PRICKLE2: variants seen among roughly 807,000 people sequenced by gnomAD.
PRICKLE2 encodes prickle planar cell polarity protein 2, also known as prickle-like protein 2.
PRICKLE2 carries 21 observed loss-of-function variants against 81.4 expected under a neutral mutation model. The ratio of observed to expected loss-of-function variants is 0.26; its 90% CI spans 0.18 to 0.37. The LOEUF (loss-of-function observed/expected upper bound fraction) is 0.37, where lower values mean the gene tolerates loss of function less well. Among genes scored for constraint, PRICKLE2 ranks in the 10% least tolerant of loss-of-function variants. PRICKLE2 has a pLI of 1.00. For missense variants in PRICKLE2, 940 were observed against 1,109.0 expected (o/e 0.85, Z 2.16); for synonymous variants, 456 against 421.5 (o/e 1.08, Z -1.00).
At chr3:64,131,081 G>T (rs2077190229) in intron 7 of PRICKLE2, among the ~76,000 whole-genome samples, 1 of 152,226 alleles carries the variant, frequency 6.6e-6, no homozygotes, top group Admixed American at 6.5e-5. Flanking sequence ...TGTGGTAAAA[G>T]GCCTCAAACC....
At chr3:64,202,641 T>TGC (rs1338951288) in intron 1 of PRICKLE2, among the ~76,000 whole-genome samples, 2 of 95,974 alleles carry the variant, frequency 2.1e-5, no homozygotes, top group African/African-American at 7.6e-5. Context: ...TAGGTACTTG[T>TGC]GTGCGTGTGT....
At position 64,147,145 on chromosome 3, in the gene PRICKLE2, G is replaced by T; in HGVS notation, c.1345C>A (p.Pro449Thr). The T allele has an allele frequency of 6.2e-7, 1 of 1,614,172 alleles. No homozygotes were observed. Among genetic ancestry groups the T allele is most frequent in the Non-Finnish European group, 8.5e-7 (1 of 1,180,028 alleles). Residue 449 changes from proline to threonine, a missense_variant, in exon 7 of 8, where the codon CCC becomes ACC. Pro to Thr is a conservative substitution (Grantham distance 38). This residue lies in a region of PRICKLE2 where 670 missense variants were observed against 717.2 expected (regional missense o/e 0.93). Coordinates refer to ENST00000638394, the MANE Select transcript of PRICKLE2 (RefSeq NM_198859.4). This position sits in a 1 kb window ranked among gnomAD's most constrained non-coding sequence, Gnocchi z 5.0. ...PEMWGKHFSN[P>T]KRSSSLAMTG... The stretch of plus-strand genomic sequence containing the variant: ...ATGGCCAGTGACGAGCTCCTTTTGG[G>T]GTTGCTGAAGTGCTTGCCCCACATT...
intron 1 of PRICKLE2, among the ~76,000 whole-genome samples, chr3:64,218,639 T>G (rs975478995): frequency 6.6e-5 from 10 of 152,166 alleles, no homozygotes; most frequent in Admixed American, 3.9e-4. Flanking sequence ...CACGCAGTAA[T>G]CATTAAATAT....
chr3:64,234,227 C>G (rs183143103), intron 2 of PRICKLE2, among the ~76,000 whole-genome samples: 2 of 152,194 alleles, frequency 1.3e-5, no homozygotes, highest in Non-Finnish European at 2.9e-5. Flanking sequence ...TTTAACATTT[C>G]ATAGAACCAT....
intron 7 of PRICKLE2, among the ~76,000 whole-genome samples, chr3:64,123,329 T>C (rs569411034): frequency 1.7e-4 from 26 of 152,342 alleles, no homozygotes; most frequent in African/African-American, 5.8e-4. Context: ...AAGGTACAAG[T>C]TGAGTATCTC....
chr3:64,241,186 A>C (rs1174911430), intron 2 of PRICKLE2, among the ~76,000 whole-genome samples: 1 of 152,222 alleles, frequency 6.6e-6, no homozygotes, highest in East Asian at 1.9e-4. Context: ...AGGCACCTAC[A>C]AGTTGTAGTT....
At chr3:64,165,878 T>G (rs1473355191) in intron 2 of PRICKLE2, among the ~76,000 whole-genome samples, 1 of 151,816 alleles carries the variant, frequency 6.6e-6, no homozygotes, top group Non-Finnish European at 1.5e-5. Context: ...CTTATATTAG[T>G]CAAAGCAAGA....
At chr3:64,104,359 AG>A (rs2076720462) in intron 7 of PRICKLE2, 1 of 152,254 alleles carries the variant, frequency 6.6e-6, no homozygotes, top group Admixed American at 6.5e-5. Context: ...TAGAAACAAA[AG>A]GTGGACACAA....
intron 7 of PRICKLE2, among the ~76,000 whole-genome samples, chr3:64,117,252 T>C (rs576963026): frequency 6.6e-6 from 1 of 152,278 alleles, no homozygotes; most frequent in Non-Finnish European, 1.5e-5. Flanking sequence ...CCATACTGAA[T>C]GGGCAAAAGC....
chr3:64,135,145 A>C (rs1433775479), intron 7 of PRICKLE2, among the ~76,000 whole-genome samples: 1 of 152,224 alleles, frequency 6.6e-6, no homozygotes, highest in Non-Finnish European at 1.5e-5. Context: ...AATGACTCGA[A>C]GAAGCAAGAA....
chr3:64,150,002 A>G (rs777892771), intron 6 of PRICKLE2, among the ~76,000 whole-genome samples: 3 of 133,882 alleles, frequency 2.2e-5, no homozygotes, highest in Non-Finnish European at 4.6e-5. Context: ...AGACGGATCA[A>G]CTCCATCTCT....
At chr3:64,172,916 A>G (rs2077957341) in intron 2 of PRICKLE2, among the ~76,000 whole-genome samples, 1 of 152,170 alleles carries the variant, frequency 6.6e-6, no homozygotes, top group Non-Finnish European at 1.5e-5. Context: ...CCAGAAATCA[A>G]CCCTGCTGAC....
At chr3:64,135,153 G>C (rs1456064611) in intron 7 of PRICKLE2, among the ~76,000 whole-genome samples, 1 of 152,200 alleles carries the variant, frequency 6.6e-6, no homozygotes, top group Non-Finnish European at 1.5e-5. Context: ...GAAGAAGCAA[G>C]AATATGCAAG....
upstream of PRICKLE2, among the ~76,000 whole-genome samples, chr3:64,227,211 G>A (rs760053087): frequency 1.3e-4 from 20 of 152,190 alleles, no homozygotes; most frequent in Non-Finnish European, 2.4e-4. Context: ...ACAAGCAAAT[G>A]AATAACACTC....
chr3:64,158,887 G>A (rs1262906682), intron 4 of PRICKLE2, among the ~76,000 whole-genome samples: 1 of 152,128 alleles, frequency 6.6e-6, no homozygotes, highest in African/African-American at 2.4e-5. Flanking sequence ...TGCTTCCCTT[G>A]GGCAGCATCC....
upstream of PRICKLE2, among the ~76,000 whole-genome samples, chr3:64,226,508 ACAGCT>A (rs1477761474): frequency 6.6e-6 from 1 of 152,228 alleles, no homozygotes; most frequent in Non-Finnish European, 1.5e-5. Context: ...TATGCCATGC[ACAGCT>A]CTAAAGGCTA....
chr3:64,149,509 C>G, intron 6 of PRICKLE2, among the ~76,000 whole-genome samples: 1 of 152,222 alleles, frequency 6.6e-6, no homozygotes, highest in Admixed American at 6.5e-5. Context: ...GGAATATAGC[C>G]TCAAGCTATG....
In PRICKLE2 at chr3:64,098,850, A is replaced by G. The variant is rs1348936791; in HGVS notation, c.*201T>C. ...GAGTCTACTGTGTTTCCAAAGTGAA[A>G]TGTGCAAATAATATTCAACATGCCA... On this transcript the variant is annotated 3_prime_UTR_variant, in exon 8 of 8. Transcript: ENST00000638394. 6.4e-6 allele frequency: 4 copies of G among 627,662 alleles called. No individual in the cohort carries two copies. In the African/African-American group the frequency reaches 7.3e-5, roughly 11 times the overall value. The allele number at this position is 627,662 out of a possible 1,614,324, so 38.9% of individuals were successfully genotyped here.
intron 2 of PRICKLE2, among the ~76,000 whole-genome samples, chr3:64,264,822 C>T (rs1378666199): frequency 2.0e-5 from 3 of 152,126 alleles, no homozygotes; most frequent in African/African-American, 7.2e-5. Flanking sequence ...GTATACGCTC[C>T]CTGTGGATTG....
Sources: gnomAD v4.1 joint callset for allele counts (sites outside exome capture counted in the v4.1 genomes callset) on GRCh38, gnomAD v4.1.1 for gene constraint, gnomAD v4.1.1 regional missense constraint, Gnocchi (gnomAD v3.1) non-coding constraint, MANE v1.5 for transcripts, NCBI Gene and HGNC (gene_info 2026-07-23, HGNC 2026-07-21) for gene names.